Variants in RALYL observed in about 807,000 individuals in gnomAD.
The protein encoded by RALYL is RNA-binding Raly-like protein.
Under a neutral mutation model 35.1 loss-of-function variants are expected in RALYL, and 29 were observed. The ratio of observed to expected loss-of-function variants is 0.83; its 90% CI spans 0.61 to 1.13. The LOEUF (loss-of-function observed/expected upper bound fraction) is 1.13, where lower values mean the gene tolerates loss of function less well. Among genes scored for constraint, RALYL ranks in the 50% most tolerant of loss-of-function variants. The pLI is 0.00. For missense variants in RALYL, 359 were observed against 360.4 expected (o/e 1.00, Z 0.03); for synonymous variants, 120 against 127.6 (o/e 0.94, Z 0.40).
intron 3 of RALYL, among the ~76,000 whole-genome samples, chr8:84,791,863 G>A (rs1586292579): frequency 6.6e-6 from 1 of 152,314 alleles, no homozygotes; most frequent in Non-Finnish European, 1.5e-5. Flanking sequence ...GTGTGTCCCA[G>A]ATTGCTTTGG....
chr8:84,344,135 T>C (rs1226357132), intron 1 of RALYL, among the ~76,000 whole-genome samples: 8 of 152,042 alleles, frequency 5.3e-5, no homozygotes, highest in Non-Finnish European at 1.2e-4. Flanking sequence ...GAGGATTTGT[T>C]TTCTCTTTAG....
intron 5 of RALYL, among the ~76,000 whole-genome samples, chr8:84,853,343 A>G (rs1046972550): frequency 3.3e-5 from 5 of 152,218 alleles, no homozygotes; most frequent in African/African-American, 1.2e-4. Context: ...TTAGCTCAAT[A>G]AAATCATTAG....
intron 1 of RALYL, among the ~76,000 whole-genome samples, chr8:84,185,754 A>T (rs1307054592): frequency 2.6e-5 from 4 of 152,228 alleles, no homozygotes; most frequent in Admixed American, 6.5e-5. Context: ...TACCTCTCAG[A>T]TGAAGTTTTC....
chr8:84,340,405 G>A (rs1294278291), intron 1 of RALYL, among the ~76,000 whole-genome samples: 1 of 152,052 alleles, frequency 6.6e-6, no homozygotes, highest in East Asian at 1.9e-4. Flanking sequence ...TTACATAACT[G>A]AAACACCATA....
intron 6 of RALYL, among the ~76,000 whole-genome samples, chr8:84,865,088 T>C (rs1838907635): frequency 6.6e-6 from 1 of 152,186 alleles, no homozygotes; most frequent in African/African-American, 2.4e-5. Context: ...TTTAGGAGCA[T>C]ATTGGCAGAT....
At position 84,859,108 on chromosome 8, in the gene RALYL, G is replaced by A. The variant is rs79076341; in HGVS notation, c.414-3188G>A. On this transcript the variant is annotated intron_variant, in intron 5 of 8. Coordinates refer to ENST00000521268, the MANE Select transcript of RALYL (RefSeq NM_173848.7). The stretch of plus-strand genomic sequence containing the variant: ...GGGTGGGAGCCAACCGAGCATAAGG[G>A]CTCAAGAGCCTGGTGACAGAATTTT... Among the ~76,000 whole-genome samples the A allele has an allele frequency of 5.5e-3, 837 of 152,250 alleles. 4 individuals are homozygous for A. Among genetic ancestry groups the A allele is most frequent in the African/African-American group, 0.019 (786 of 41,552 alleles).
chr8:84,373,662 G>C (rs1172138706), intron 1 of RALYL, among the ~76,000 whole-genome samples: 3 of 151,876 alleles, frequency 2.0e-5, no homozygotes, highest in African/African-American at 7.3e-5. Flanking sequence ...GATGCCTCCG[G>C]GTTTGTCCTT....
intron 2 of RALYL, among the ~76,000 whole-genome samples, chr8:84,587,455 AG>A (rs1812269794): frequency 1.3e-5 from 2 of 152,228 alleles, no homozygotes; most frequent in Non-Finnish European, 2.9e-5. Flanking sequence ...CAGTTTATGT[AG>A]AAAAATGGAA....
At chr8:84,863,248 A>G (rs1387468667) in intron 6 of RALYL, among the ~76,000 whole-genome samples, 1 of 152,232 alleles carries the variant, frequency 6.6e-6, no homozygotes, top group Non-Finnish European at 1.5e-5. Flanking sequence ...TTTGAGTGGA[A>G]ACCTAAAGGA....
At chr8:84,650,031 C>T (rs921392495) in intron 2 of RALYL, among the ~76,000 whole-genome samples, 11 of 152,110 alleles carry the variant, frequency 7.2e-5, no homozygotes, top group Admixed American at 2.0e-4. Flanking sequence ...GTATTTTATT[C>T]TCTTTGAAGC....
At chr8:84,777,866 C>T (rs1251225181) in intron 3 of RALYL, among the ~76,000 whole-genome samples, 1 of 152,164 alleles carries the variant, frequency 6.6e-6, no homozygotes, top group Admixed American at 6.5e-5. Context: ...TAGTCTCGAT[C>T]TCCTGACCTC....
intron 1 of RALYL, among the ~76,000 whole-genome samples, chr8:84,200,862 A>G (rs760363770): frequency 7.2e-5 from 11 of 152,160 alleles, no homozygotes; most frequent in Non-Finnish European, 1.2e-4. Flanking sequence ...TAGTTCACAA[A>G]CTATGAGTAT....
chr8:84,303,588 C>G (rs1841224920), intron 1 of RALYL, among the ~76,000 whole-genome samples: 1 of 152,106 alleles, frequency 6.6e-6, no homozygotes, highest in African/African-American at 2.4e-5. Flanking sequence ...AGGAGTCTTT[C>G]ATTAAAACAT....
At chr8:84,880,045 G>A (rs912317290) in intron 7 of RALYL, among the ~76,000 whole-genome samples, 1 of 152,072 alleles carries the variant, frequency 6.6e-6, no homozygotes, top group Non-Finnish European at 1.5e-5. Context: ...AAAAGTATTG[G>A]GGGATGTTGG....
At chr8:84,481,646 A>G (rs2054051760) in intron 1 of RALYL, among the ~76,000 whole-genome samples, 1 of 152,194 alleles carries the variant, frequency 6.6e-6, no homozygotes, top group Non-Finnish European at 1.5e-5. Context: ...CTCGGCAATA[A>G]AAAAGAAAGA....
chr8:84,423,284 A>T (rs1158264541), intron 1 of RALYL, among the ~76,000 whole-genome samples: 14 of 151,382 alleles, frequency 9.2e-5, no homozygotes, highest in African/African-American at 3.4e-4. Flanking sequence ...TGTTGAATTG[A>T]TCCCTTTACC....
At chr8:84,257,434 A>G (rs1831411823) in intron 1 of RALYL, among the ~76,000 whole-genome samples, 1 of 152,258 alleles carries the variant, frequency 6.6e-6, no homozygotes, top group African/African-American at 2.4e-5. Context: ...TTGAAGGGTC[A>G]TACTTAAGAG....
chr8:84,722,996 C>A (rs1323839744), intron 2 of RALYL, among the ~76,000 whole-genome samples: 1 of 151,854 alleles, frequency 6.6e-6, no homozygotes, highest in East Asian at 1.9e-4. Flanking sequence ...AAAAAGCTTG[C>A]TTCACTGAAG....
At chr8:84,608,797 C>T (rs767572980) in intron 2 of RALYL, among the ~76,000 whole-genome samples, 6 of 152,098 alleles carry the variant, frequency 3.9e-5, no homozygotes, top group African/African-American at 7.2e-5. Flanking sequence ...AGATCTGCCA[C>T]GAATCCTTGG....
Sources: allele counts gnomAD v4.1 joint callset (sites outside exome capture counted in the v4.1 genomes callset), GRCh38; gene constraint gnomAD v4.1.1; transcripts MANE v1.5; gene names NCBI Gene and HGNC (gene_info 2026-07-23, HGNC 2026-07-21).